UNC13C: variants seen among roughly 807,000 people sequenced by gnomAD.
UNC13C encodes unc-13 homolog C.
In UNC13C, 174 loss-of-function variants were observed where a neutral mutation model predicts 245.4. The ratio of observed to expected loss-of-function variants is 0.71; its 90% confidence interval spans 0.63 to 0.80. The LOEUF (loss-of-function observed/expected upper bound fraction) is 0.80. UNC13C is among the 30% of genes least tolerant of loss of function. The pLI, the probability that UNC13C is intolerant of heterozygous loss-of-function variation, is 0.00. For synonymous variants in UNC13C, 992 were observed against 895.1 expected, an observed-to-expected ratio of 1.11 and a Z score of -1.93; for missense variants, 2,829 against 2,602.9, an observed-to-expected ratio of 1.09 and a Z score of -1.89.
intron 19 of UNC13C, among the ~76,000 whole-genome samples, chr15:54,468,542 T>A (rs1444549339): frequency 6.6e-6 from 1 of 151,768 alleles, no homozygotes; most frequent in African/African-American, 2.4e-5. Context: ...TCGTGAAGAT[T>A]TTCCCCTGTG....
chr15:54,385,264 C>T (rs1380765761), intron 17 of UNC13C, among the ~76,000 whole-genome samples: 4 of 152,000 alleles, frequency 2.6e-5, no homozygotes, highest in South Asian at 2.1e-4. Flanking sequence ...GGAAGTCCTT[C>T]GGTACTATGG....
At chr15:54,604,655 C>T (rs1196840894) in intron 30 of UNC13C, among the ~76,000 whole-genome samples, 1 of 152,172 alleles carries the variant, frequency 6.6e-6, no homozygotes, top group Non-Finnish European at 1.5e-5. Flanking sequence ...TCAGCAATTC[C>T]TCTAAGACCT....
intron 4 of UNC13C, among the ~76,000 whole-genome samples, chr15:54,233,366 T>A (rs1261640152): frequency 2.6e-5 from 4 of 152,238 alleles, no homozygotes; most frequent in African/African-American, 9.6e-5. Flanking sequence ...TTCTTTATGA[T>A]CAAAATTAAG....
intron 7 of UNC13C, among the ~76,000 whole-genome samples, chr15:54,238,807 T>A (rs1359259774): frequency 6.6e-6 from 1 of 152,186 alleles, no homozygotes; most frequent in East Asian, 1.9e-4. Flanking sequence ...AGAACCACAC[T>A]GATAAGAAGA....
chr15:54,325,439 C>T (rs1311687574), intron 14 of UNC13C, among the ~76,000 whole-genome samples: 1 of 151,914 alleles, frequency 6.6e-6, no homozygotes, highest in Non-Finnish European at 1.5e-5. Flanking sequence ...ACTTTAAGTT[C>T]CAGGGTACAT....
At chr15:54,277,423 C>G (rs1025536250) in intron 10 of UNC13C, among the ~76,000 whole-genome samples, 4 of 152,062 alleles carry the variant, frequency 2.6e-5, no homozygotes, top group Non-Finnish European at 5.9e-5. Flanking sequence ...CCTGTCCTTA[C>G]AGAACAATGT....
chr15:54,036,908 G>T (rs2141026221), intron 2 of UNC13C, among the ~76,000 whole-genome samples: 1 of 152,326 alleles, frequency 6.6e-6, no homozygotes, highest in African/African-American at 2.4e-5. Context: ...GGGAAAGCAG[G>T]GAGAGTCATT....
chr15:54,007,152 G>A (rs1198751202), intron 1 of UNC13C, among the ~76,000 whole-genome samples: 1 of 152,194 alleles, frequency 6.6e-6, no homozygotes, highest in Non-Finnish European at 1.5e-5. Flanking sequence ...ATGAGGTGCT[G>A]TTGTATTGAA....
Position 54,250,379 on chromosome 15 carries a change from G to A in UNC13C, c.3383G>A (p.Cys1128Tyr). 1.2e-6 allele frequency: 2 copies of A among 1,613,916 alleles called. No homozygotes were observed. Among genetic ancestry groups the A allele is most frequent in the Non-Finnish European group, 1.7e-6 (2 of 1,179,858 alleles). ...LWGIARQGMK[C>Y]LECGVKCHEK... ...GGCATTGCAAGGCAAGGCATGAAGT[G>A]TCTGGAGTGTGGAGTGAAATGCCAC... Residue 1128 changes from cysteine to tyrosine, a missense_variant, in exon 8 of 33, where the codon TGT (cysteine) becomes TAT (tyrosine). Physicochemically the swap from Cys to Tyr is radical, Grantham distance 194 (BLOSUM62 -2). Coordinates refer to ENST00000260323, the MANE Select transcript of UNC13C (RefSeq NM_001080534.3).
intron 2 of UNC13C, among the ~76,000 whole-genome samples, chr15:54,136,577 A>C (rs1239317170): frequency 6.6e-6 from 1 of 151,962 alleles, no homozygotes; most frequent in African/African-American, 2.4e-5. Flanking sequence ...AACTTCTAGT[A>C]CTATGCTGGA....
chr15:54,600,752 C>T (rs1340814059), intron 30 of UNC13C, among the ~76,000 whole-genome samples: 1 of 151,912 alleles, frequency 6.6e-6, no homozygotes, highest in Non-Finnish European at 1.5e-5. Flanking sequence ...AAGAAAACCC[C>T]ATACATAGAT....
chr15:54,380,015 C>T (rs1354064453), intron 17 of UNC13C, among the ~76,000 whole-genome samples: 1 of 152,044 alleles, frequency 6.6e-6, no homozygotes, highest in African/African-American at 2.4e-5. Flanking sequence ...ATTCTCTTAG[C>T]ATTTTTCTAG....
the UNC13C span, among the ~76,000 whole-genome samples, chr15:53,855,919 C>T: frequency 7.2e-5 from 11 of 152,036 alleles, no homozygotes; most frequent in Admixed American, 5.2e-4. Context: ...TCCATATGAC[C>T]CTGGGCTTTT....
chr15:54,125,679 T>G (rs1160422032), intron 2 of UNC13C, among the ~76,000 whole-genome samples: 2 of 152,204 alleles, frequency 1.3e-5, no homozygotes, highest in African/African-American at 2.4e-5. Context: ...GTGTATTTGT[T>G]TATTTTTCCT....
the UNC13C span, among the ~76,000 whole-genome samples, chr15:53,921,290 G>A: frequency 6.6e-6 from 1 of 152,068 alleles, no homozygotes; most frequent in East Asian, 1.9e-4. Flanking sequence ...TAATAAAAAG[G>A]CCTTCAAAGT....
chr15:54,613,326 T>C (rs1359816158), intron 30 of UNC13C, among the ~76,000 whole-genome samples: 1 of 151,890 alleles, frequency 6.6e-6, no homozygotes, highest in African/African-American at 2.4e-5. Flanking sequence ...AGTTGACATA[T>C]TAAAAAATGT....
At chr15:54,001,583 G>C (rs928402031) in intron 1 of UNC13C, among the ~76,000 whole-genome samples, 2 of 152,144 alleles carry the variant, frequency 1.3e-5, no homozygotes, top group African/African-American at 4.8e-5. Flanking sequence ...AGGGGTAGAG[G>C]AAGGGTCTGC....
chr15:54,045,276 A>G (rs1389503913), intron 2 of UNC13C, among the ~76,000 whole-genome samples: 1 of 152,136 alleles, frequency 6.6e-6, no homozygotes, highest in Non-Finnish European at 1.5e-5. Context: ...TTATGTGGAT[A>G]TCTAGTTGTC....
chr15:54,109,269 T>TCCTTCCCTCC (rs1567020516), intron 2 of UNC13C, among the ~76,000 whole-genome samples: 2 of 81,972 alleles, frequency 2.4e-5, no homozygotes, highest in East Asian at 3.8e-4. Flanking sequence ...CCTTTCCCTC[T>TCCTTCCCTCC]CCTCCCCTCC....
Sources: gnomAD v4.1 joint callset for allele counts (sites outside exome capture counted in the v4.1 genomes callset) on GRCh38, gnomAD v4.1.1 for gene constraint, MANE v1.5 for transcripts, NCBI Gene and HGNC (gene_info 2026-07-23, HGNC 2026-07-21) for gene names.